Variants in ARHGAP42 observed in about 807,000 individuals in gnomAD.
ARHGAP42 encodes rho GTPase-activating protein 42.
ARHGAP42 carries 63 observed loss-of-function variants against 125.0 expected under a neutral mutation model. That is an observed-to-expected ratio of 0.50 (90% confidence interval 0.41 to 0.62). The LOEUF (loss-of-function observed/expected upper bound fraction) is 0.62. Among genes scored for constraint, ARHGAP42 ranks in the 20% least tolerant of loss-of-function variants. The pLI, the probability that ARHGAP42 is intolerant of heterozygous loss-of-function variation, is 0.00. For missense variants in ARHGAP42, 766 were observed against 1,024.2 expected (o/e 0.75, Z 3.44); for synonymous variants, 339 against 351.0 (o/e 0.97, Z 0.38).
intron 3 of ARHGAP42, among the ~76,000 whole-genome samples, chr11:100,819,108 C>T (rs1864345270): frequency 6.6e-6 from 1 of 152,080 alleles, no homozygotes; most frequent in South Asian, 2.1e-4. Context: ...ATTGTCACTC[C>T]CTAAACAGCA....
intron 1 of ARHGAP42, among the ~76,000 whole-genome samples, chr11:100,716,307 A>G (rs1405544665): frequency 6.6e-6 from 1 of 152,188 alleles, no homozygotes; most frequent in Non-Finnish European, 1.5e-5. Flanking sequence ...ACATTTTAAG[A>G]CCTGCTTGTG....
At chr11:100,921,229 ATATATATATATATATATTTTTTTT>A (rs1449641368) in intron 5 of ARHGAP42, among the ~76,000 whole-genome samples, 99 of 58,530 alleles carry the variant, frequency 1.7e-3, no homozygotes, top group East Asian at 5.9e-3. Flanking sequence ...ATATATATAT[ATATATATATATATATATTTTTTTT>A]TTTTTTTTTT....
intron 1 of ARHGAP42, among the ~76,000 whole-genome samples, chr11:100,717,122 G>A (rs1861675215): frequency 6.6e-6 from 1 of 152,172 alleles, no homozygotes; most frequent in Non-Finnish European, 1.5e-5. Flanking sequence ...TTTGTTTCAT[G>A]CAAGAAGGGA....
intron 3 of ARHGAP42, among the ~76,000 whole-genome samples, chr11:100,820,413 G>A (rs547734984): frequency 3.3e-5 from 5 of 152,190 alleles, no homozygotes; most frequent in East Asian, 3.9e-4. Context: ...ACTCCTGAAT[G>A]TTCTTTGCTA....
chr11:100,767,724 C>G (rs1466840142), intron 1 of ARHGAP42, among the ~76,000 whole-genome samples: 2 of 152,032 alleles, frequency 1.3e-5, no homozygotes, highest in African/African-American at 4.8e-5. Context: ...CCTTGTATCC[C>G]CAGTCTCAAC....
At chr11:100,863,364 G>C (rs529081198) in intron 4 of ARHGAP42, among the ~76,000 whole-genome samples, 1 of 152,290 alleles carries the variant, frequency 6.6e-6, no homozygotes, top group South Asian at 2.1e-4. Context: ...TGCAGTCAGC[G>C]ACCTCTTCAG....
At chr11:100,903,053 C>G (rs1188643906) in intron 4 of ARHGAP42, among the ~76,000 whole-genome samples, 2 of 150,564 alleles carry the variant, frequency 1.3e-5, no homozygotes, top group African/African-American at 4.9e-5. Context: ...GCTGAGGCCA[C>G]TTGTATTTAC....
intron 3 of ARHGAP42, among the ~76,000 whole-genome samples, chr11:100,844,362 A>ATGTTGATTTGGATGCAGTGAACAGG (rs1865013074): frequency 6.9e-6 from 1 of 145,060 alleles, no homozygotes; most frequent in African/African-American, 2.9e-5. Context: ...GAATATTGTA[A>ATGTTGATTTGGATGCAGTGAACAGG]GAATCCTTTT....
At chr11:100,713,207 C>A (rs1861594470) in intron 1 of ARHGAP42, among the ~76,000 whole-genome samples, 1 of 152,156 alleles carries the variant, frequency 6.6e-6, no homozygotes, top group Admixed American at 6.5e-5. Flanking sequence ...AGTTTAATAT[C>A]TTTTGTAATG....
At chr11:100,921,736 A>G in intron 6 of ARHGAP42, 132 bp downstream of exon 6, 2 of 603,928 alleles carry the variant, frequency 3.3e-6, no homozygotes, top group Non-Finnish European at 5.5e-6. Flanking sequence ...GTGGGAAGGG[A>G]TGAAAAAGTG....
intron 10 of ARHGAP42, among the ~76,000 whole-genome samples, chr11:100,944,402 T>C (rs1264337624): frequency 6.6e-6 from 1 of 152,146 alleles, no homozygotes; most frequent in African/African-American, 2.4e-5. Flanking sequence ...AAGTTTACAA[T>C]AAGAATGGGT....
chr11:100,961,109 A>G (rs912725096), intron 14 of ARHGAP42, 120 bp downstream of exon 14: 1 of 608,316 alleles, frequency 1.6e-6, no homozygotes, highest in Non-Finnish European at 2.6e-6. Context: ...AAGTTCATAT[A>G]TGTATTCAGT....
At chr11:100,776,928 A>C (rs1863140997) in intron 2 of ARHGAP42, among the ~76,000 whole-genome samples, 1 of 151,344 alleles carries the variant, frequency 6.6e-6, no homozygotes, top group Non-Finnish European at 1.5e-5. Flanking sequence ...GGTTGCAGTG[A>C]ACTCAGATTG....
At chr11:100,916,761 A>ATC (rs1184501429) in intron 5 of ARHGAP42, among the ~76,000 whole-genome samples, 4 of 152,202 alleles carry the variant, frequency 2.6e-5, no homozygotes, top group African/African-American at 9.6e-5. Flanking sequence ...ATGAGCACAA[A>ATC]AATTGTGTAA....
chr11:100,953,372 G>T (rs911520714), intron 12 of ARHGAP42, among the ~76,000 whole-genome samples: 1 of 152,096 alleles, frequency 6.6e-6, no homozygotes, highest in African/African-American at 2.4e-5. Flanking sequence ...TTGAACTGCT[G>T]AAGACAATGA....
At chr11:100,698,397 G>A (rs1203381660) in intron 1 of ARHGAP42, among the ~76,000 whole-genome samples, 1 of 152,226 alleles carries the variant, frequency 6.6e-6, no homozygotes, top group African/African-American at 2.4e-5. Flanking sequence ...CTTGAGCCCA[G>A]GAGGTCCGCG....
intron 4 of ARHGAP42, among the ~76,000 whole-genome samples, chr11:100,886,122 T>TCAAC (rs1399364682): frequency 1.3e-5 from 2 of 152,226 alleles, no homozygotes; most frequent in African/African-American, 4.8e-5. Flanking sequence ...CTTGGGCAAG[T>TCAAC]CAACATCAGA....
At chr11:100,788,858 G>A (rs1187564389) in intron 2 of ARHGAP42, among the ~76,000 whole-genome samples, 1 of 152,154 alleles carries the variant, frequency 6.6e-6, no homozygotes, top group East Asian at 1.9e-4. Context: ...GGATACAGCA[G>A]TCAGTATGCT....
chr11:100,874,365 G>C (rs1865763090), intron 4 of ARHGAP42, among the ~76,000 whole-genome samples: 1 of 152,194 alleles, frequency 6.6e-6, no homozygotes, highest in Non-Finnish European at 1.5e-5. Context: ...CTCAGCATGA[G>C]TTTTGGTGGT....
Sources: allele counts gnomAD v4.1 joint callset (sites outside exome capture counted in the v4.1 genomes callset), GRCh38; gene constraint gnomAD v4.1.1; transcripts MANE v1.5; gene names NCBI Gene and HGNC (gene_info 2026-07-23, HGNC 2026-07-21).